The following CEP112 variants were observed in gnomAD, a reference collection of about 807,000 sequenced individuals.
CEP112 encodes the protein centrosomal protein of 112 kDa.
Under a neutral mutation model 153.0 loss-of-function variants are expected in CEP112, and 127 were observed. The observed-to-expected ratio is 0.83, with a 90% confidence interval of 0.72 to 0.96. The LOEUF (loss-of-function observed/expected upper bound fraction) is 0.96, where lower values mean the gene tolerates loss of function less well. Ranked by LOEUF, CEP112 falls within the 40% of genes least tolerant of loss-of-function variation. The probability of loss-of-function intolerance (pLI) is 0.00; values close to 1 mark genes in which losing one functional copy is unlikely to be tolerated. For missense variants in CEP112, 1,089 were observed against 1,101.2 expected (o/e 0.99, Z 0.16); for synonymous variants, 358 against 374.4 (o/e 0.96, Z 0.51).
At chr17:65,966,846 C>T (rs1248330274) in intron 17 of CEP112, among the ~76,000 whole-genome samples, 1 of 152,058 alleles carries the variant, frequency 6.6e-6, no homozygotes, top group East Asian at 1.9e-4. Flanking sequence ...GAAAGAAATG[C>T]CCAGTAAAAT....
chr17:65,832,449 G>A (rs1423388210), intron 21 of CEP112, among the ~76,000 whole-genome samples: 2 of 150,510 alleles, frequency 1.3e-5, no homozygotes, highest in Non-Finnish European at 3.0e-5. Context: ...AGACAGATAG[G>A]CCACTAGCTA....
Position 65,951,165 on chromosome 17 carries a change from T to A in CEP112, c.1872+10298A>T, listed in dbSNP as rs1012042503. Among the ~76,000 whole-genome samples, 9 of 152,202 alleles carry A rather than the reference T, an allele frequency of 5.9e-5. 1 individual carries two copies. The highest frequency in any genetic ancestry group is 5.2e-4 in the Admixed American group (8 of 15,276). Reference sequence around the variant, plus strand: ...AAATCTCATGAAGGGCTTTTGTGACTATGTTCATGACAGGTATCAATCCAT... The same window carrying A: ...AAATCTCATGAAGGGCTTTTGTGACAATGTTCATGACAGGTATCAATCCAT... On this transcript the variant is annotated intron_variant, in intron 18 of 26. Transcript: ENST00000535342.
intron 17 of CEP112, among the ~76,000 whole-genome samples, chr17:65,962,016 C>T (rs1283307797): frequency 6.6e-6 from 1 of 152,162 alleles, no homozygotes; most frequent in Non-Finnish European, 1.5e-5. Flanking sequence ...CAAAAAGTTA[C>T]ATATTGTATG....
chr17:65,761,305 G>C (rs1002848592), intron 21 of CEP112, among the ~76,000 whole-genome samples: 4 of 151,354 alleles, frequency 2.6e-5, no homozygotes, highest in African/African-American at 7.3e-5. Context: ...TTAAAGACAG[G>C]GTCTCACTAT....
chr17:66,179,729 A>G (rs2072637098), intron 2 of CEP112, among the ~76,000 whole-genome samples: 1 of 152,202 alleles, frequency 6.6e-6, no homozygotes, highest in African/African-American at 2.4e-5. Flanking sequence ...ACTATGCTGA[A>G]TAACAGCGGT....
At chr17:65,979,816 C>T (rs752991434) in intron 17 of CEP112, among the ~76,000 whole-genome samples, 1 of 151,984 alleles carries the variant, frequency 6.6e-6, no homozygotes, top group Non-Finnish European at 1.5e-5. Flanking sequence ...CCACAACCTG[C>T]AAAATGAATG....
intron 6 of CEP112, among the ~76,000 whole-genome samples, chr17:66,114,051 TA>T (rs2069175264): frequency 1.3e-5 from 2 of 152,088 alleles, no homozygotes; most frequent in Admixed American, 1.3e-4. Flanking sequence ...AAATGGAAAA[TA>T]AAAAAGTCTT....
In CEP112 at chr17:65,635,805, C is replaced by A; in HGVS notation, c.*166G>T. 4.7e-6 allele frequency: 3 copies of A among 637,568 alleles called. No homozygotes were observed. Among genetic ancestry groups the A allele is most frequent in the East Asian group, 3.0e-5 (1 of 33,736 alleles). The allele number at this position is 637,568 out of a possible 1,614,324, so 39.5% of individuals were successfully genotyped here. A position where few individuals can be genotyped will look rare whatever the true frequency, so the allele number is the denominator to read the frequency against. On this transcript the variant is annotated 3_prime_UTR_variant, in exon 27 of 27. Coordinates refer to ENST00000535342, the MANE Select transcript of CEP112 (RefSeq NM_001199165.4). ...TAACTTAGGCAGACACAAATAAAAC[C>A]ACCCCACTAGTGTATGAATGATGCA...
At chr17:66,182,255 G>A (rs529035761) in intron 2 of CEP112, 1 of 152,310 alleles carries the variant, frequency 6.6e-6, no homozygotes, top group African/African-American at 2.4e-5. Flanking sequence ...AGCTATTGCT[G>A]TTAATCTCAT....
chr17:65,641,427 A>G (rs2143335166), intron 24 of CEP112, among the ~76,000 whole-genome samples: 1 of 152,286 alleles, frequency 6.6e-6, no homozygotes, highest in African/African-American at 2.4e-5. Flanking sequence ...AACCATACTA[A>G]GCTGTCATCT....
intron 21 of CEP112, among the ~76,000 whole-genome samples, chr17:65,756,402 T>C (rs532638645): frequency 8.9e-4 from 84 of 93,870 alleles, no homozygotes; most frequent in Middle Eastern, 0.01. Context: ...CAAGACTCCG[T>C]CTCAAAAAAA....
chr17:65,967,340 C>T (rs2062451275), intron 17 of CEP112, among the ~76,000 whole-genome samples: 3 of 152,148 alleles, frequency 2.0e-5, no homozygotes, highest in Admixed American at 6.6e-5. Flanking sequence ...GGATTTGAAT[C>T]ATAATTCAAA....
At chr17:66,157,281 C>T (rs1258298441) in intron 4 of CEP112, among the ~76,000 whole-genome samples, 1 of 152,138 alleles carries the variant, frequency 6.6e-6, no homozygotes, top group African/African-American at 2.4e-5. Flanking sequence ...CCAAACTAAG[C>T]TTCATAAGTG....
At chr17:65,830,664 G>A (rs1483547999) in intron 21 of CEP112, among the ~76,000 whole-genome samples, 1 of 152,188 alleles carries the variant, frequency 6.6e-6, no homozygotes, top group African/African-American at 2.4e-5. Context: ...GGGAAGGCTC[G>A]AATTCCTGGC....
At position 66,135,561 on chromosome 17, in the gene CEP112, CA is replaced by C. The variant is rs1204466808; in HGVS notation, c.471-2799del. On this transcript the variant is annotated intron_variant, in intron 4 of 26. Transcript: ENST00000535342. The stretch of plus-strand genomic sequence containing the variant: ...TGAGCTCATAATATGGTACTTGTGC[CA>C]AGCAGAAAAGCGGTATTGTGCCTCA... 9.9e-5 allele frequency among the ~76,000 whole-genome samples: 15 copies of C among 152,184 alleles called. No homozygotes were observed. In the East Asian group the frequency reaches 2.9e-3, roughly 29 times the overall value.
chr17:65,746,991 A>G (rs1200165744), intron 22 of CEP112, among the ~76,000 whole-genome samples: 1 of 152,108 alleles, frequency 6.6e-6, no homozygotes, highest in Admixed American at 6.5e-5. Flanking sequence ...TAAGCATCCG[A>G]ACTCATGAAA....
At chr17:65,985,907 G>A (rs2063390407) in intron 17 of CEP112, among the ~76,000 whole-genome samples, 1 of 150,932 alleles carries the variant, frequency 6.6e-6, no homozygotes. Flanking sequence ...TGTGCATTTA[G>A]AGTTTAGGCC....
chr17:66,029,830 T>G (rs1568402900), intron 13 of CEP112, 39 bp downstream of exon 13: 1 of 1,576,806 alleles, frequency 6.3e-7, no homozygotes, highest in African/African-American at 1.3e-5. Context: ...ATCAGTACTT[T>G]ATAGCTACAC....
At chr17:66,171,009 G>C (rs181226675) in intron 4 of CEP112, among the ~76,000 whole-genome samples, 43 of 152,220 alleles carry the variant, frequency 2.8e-4, no homozygotes, top group Admixed American at 5.9e-4. Context: ...TGTATACTTG[G>C]TGGAAAAAAT....
Sources: allele counts gnomAD v4.1 joint callset (sites outside exome capture counted in the v4.1 genomes callset), GRCh38; gene constraint gnomAD v4.1.1; transcripts MANE v1.5; gene names NCBI Gene and HGNC (gene_info 2026-07-23, HGNC 2026-07-21).